Variants in STPG2 observed in about 807,000 individuals in gnomAD.
STPG2 encodes sperm tail PG-rich repeat containing 2, also known as sperm-tail PG-rich repeat-containing protein 2.
In STPG2, 56 loss-of-function variants were observed where a neutral mutation model predicts 54.2. That is an observed-to-expected ratio of 1.03 (90% CI 0.83 to 1.29). The LOEUF (loss-of-function observed/expected upper bound fraction) is 1.29. Ranked by LOEUF, STPG2 falls within the 50% of genes most tolerant of loss-of-function variation. The pLI, the probability that STPG2 is intolerant of heterozygous loss-of-function variation, is 0.00. For synonymous variants in STPG2, 200 were observed against 181.8 expected (o/e 1.10, Z -0.81); for missense variants, 596 against 544.9 (o/e 1.09, Z -0.93).
intron 5 of STPG2, among the ~76,000 whole-genome samples, chr4:98,010,624 C>T (rs1578777122): frequency 6.6e-6 from 1 of 152,120 alleles, no homozygotes; most frequent in South Asian, 2.1e-4. Context: ...ATTTAATACT[C>T]TTACATTTAA....
intron 10 of STPG2, among the ~76,000 whole-genome samples, chr4:97,573,980 G>A (rs1452684517): frequency 6.6e-6 from 1 of 151,848 alleles, no homozygotes; most frequent in Non-Finnish European, 1.5e-5. Flanking sequence ...AGATAATGAA[G>A]GAATTGTTAA....
chr4:97,536,565 C>T (rs955333225), intron 4 of STPG2, among the ~76,000 whole-genome samples: 5 of 152,182 alleles, frequency 3.3e-5, no homozygotes, highest in African/African-American at 9.7e-5. Flanking sequence ...AGAAAAAAGA[C>T]ATTCAAACAT....
At chr4:97,717,932 G>C (rs1452582983) in intron 9 of STPG2, among the ~76,000 whole-genome samples, 2 of 152,012 alleles carry the variant, frequency 1.3e-5, no homozygotes, top group Non-Finnish European at 2.9e-5. Flanking sequence ...AAATATTAGT[G>C]GCAAATTCTC....
chr4:98,111,402 T>C (rs1739344664), intron 3 of STPG2, among the ~76,000 whole-genome samples: 1 of 152,136 alleles, frequency 6.6e-6, no homozygotes, highest in African/African-American at 2.4e-5. Flanking sequence ...TTGGCAGATG[T>C]AGTTGAAACT....
At chr4:98,020,530 G>A (rs527960241) in intron 5 of STPG2, among the ~76,000 whole-genome samples, 2 of 152,150 alleles carry the variant, frequency 1.3e-5, no homozygotes, top group African/African-American at 4.8e-5. Flanking sequence ...ATACTGGCCT[G>A]ATAAAATGAG....
intron 10 of STPG2, among the ~76,000 whole-genome samples, chr4:97,608,456 G>T (rs879831452): frequency 3.3e-5 from 5 of 152,030 alleles, no homozygotes; most frequent in Admixed American, 2.0e-4. Context: ...CTGTACATTT[G>T]CTGCTGTGCA....
chr4:97,852,153 G>C (rs1215157543), intron 8 of STPG2, among the ~76,000 whole-genome samples: 1 of 152,178 alleles, frequency 6.6e-6, no homozygotes, highest in African/African-American at 2.4e-5. Context: ...AACATGAGTT[G>C]TGAGAGATGT....
intron 2 of STPG2, among the ~76,000 whole-genome samples, chr4:98,131,464 A>C (rs1377379430): frequency 6.6e-6 from 1 of 152,148 alleles, no homozygotes; most frequent in Non-Finnish European, 1.5e-5. Flanking sequence ...CACACACGAA[A>C]TATCTGCAAT....
At chr4:97,534,377 T>C (rs1172715743) in intron 4 of STPG2, among the ~76,000 whole-genome samples, 1 of 152,128 alleles carries the variant, frequency 6.6e-6, no homozygotes, top group Non-Finnish European at 1.5e-5. Flanking sequence ...CATCTTCTCC[T>C]ATGTCTTCTA....
intron 10 of STPG2, among the ~76,000 whole-genome samples, chr4:97,658,888 T>A (rs1423426845): frequency 1.3e-5 from 2 of 152,202 alleles, no homozygotes; most frequent in Non-Finnish European, 2.9e-5. Flanking sequence ...GCATATGCTA[T>A]AGAAATATCA....
chr4:98,130,037 T>C (rs113175496), intron 2 of STPG2, among the ~76,000 whole-genome samples: 4 of 151,358 alleles, frequency 2.6e-5, no homozygotes, highest in African/African-American at 9.7e-5. Context: ...TTTTTGTATT[T>C]TTAGTAGAGA....
In STPG2 at chr4:97,596,611, T is replaced by C. The variant is rs1578413502; in HGVS notation, c.1321-37494A>G. On this transcript the variant is annotated intron_variant, in intron 10 of 10. Transcript: ENST00000295268. ...AAACTGAAATAGATAGTAAGAAGATTGCTCAAAACTATACAATTGCAGGAA... is the reference window on the plus strand; with the variant it reads ...AAACTGAAATAGATAGTAAGAAGATCGCTCAAAACTATACAATTGCAGGAA... Among the ~76,000 whole-genome samples the C allele has an allele frequency of 1.3e-5, 2 of 152,086 alleles. 1 individual carries two copies. The highest frequency in any genetic ancestry group is 4.1e-4 in the South Asian group (2 of 4,830).
At chr4:98,068,175 C>T (rs1304570231) in intron 5 of STPG2, among the ~76,000 whole-genome samples, 2 of 152,152 alleles carry the variant, frequency 1.3e-5, no homozygotes, top group Admixed American at 6.6e-5. Flanking sequence ...TTCCCTCTAC[C>T]TGGAACACAC....
chr4:98,058,510 A>G (rs1291479824), intron 5 of STPG2, among the ~76,000 whole-genome samples: 3 of 152,236 alleles, frequency 2.0e-5, no homozygotes, highest in Admixed American at 1.3e-4. Flanking sequence ...AGAAGACCTA[A>G]CTATCCTATA....
chr4:97,788,126 T>C (rs1726881964), intron 9 of STPG2, among the ~76,000 whole-genome samples: 1 of 151,996 alleles, frequency 6.6e-6, no homozygotes, highest in Non-Finnish European at 1.5e-5. Flanking sequence ...CAATACATTA[T>C]TGTTGACTAT....
chr4:98,052,411 G>C (rs1387959748), intron 5 of STPG2, among the ~76,000 whole-genome samples: 2 of 152,042 alleles, frequency 1.3e-5, no homozygotes, highest in Non-Finnish European at 2.9e-5. Flanking sequence ...TCTATTAATT[G>C]AGTTCTCACA....
At chr4:97,980,898 G>T (rs1013881308) in intron 6 of STPG2, among the ~76,000 whole-genome samples, 2 of 152,000 alleles carry the variant, frequency 1.3e-5, no homozygotes, top group African/African-American at 2.4e-5. Flanking sequence ...AAAAAAATCA[G>T]AAAATTTACC....
intron 10 of STPG2, among the ~76,000 whole-genome samples, chr4:97,591,437 T>G (rs961461951): frequency 1.3e-5 from 2 of 152,190 alleles, no homozygotes; most frequent in African/African-American, 4.8e-5. Flanking sequence ...ATTATTTCCA[T>G]GTGAATCATT....
chr4:97,968,857 G>A (rs564106773), intron 7 of STPG2, among the ~76,000 whole-genome samples: 50 of 152,294 alleles, frequency 3.3e-4, no homozygotes, highest in African/African-American at 1.2e-3. Flanking sequence ...AGGCTGGGCT[G>A]CCAGAATGAG....
Sources: allele counts gnomAD v4.1 joint callset (sites outside exome capture counted in the v4.1 genomes callset), GRCh38; gene constraint gnomAD v4.1.1; transcripts MANE v1.5; gene names NCBI Gene and HGNC (gene_info 2026-07-23, HGNC 2026-07-21).